RHOH: variants seen among roughly 807,000 people sequenced by gnomAD.
RHOH encodes the protein ras homolog family member H.
RHOH carries 6 observed loss-of-function variants against 13.8 expected under a neutral mutation model. That is an observed-to-expected ratio of 0.44 (90% CI 0.24 to 0.86). The LOEUF is 0.86. Ranked by LOEUF, RHOH falls within the 40% of genes least tolerant of loss-of-function variation. The probability of loss-of-function intolerance (pLI) is 0.24; values close to 1 mark genes in which losing one functional copy is unlikely to be tolerated. For missense variants in RHOH, 147 were observed against 244.5 expected, an observed-to-expected ratio of 0.60 and a Z score of 2.66; for synonymous variants, 117 against 103.0, an observed-to-expected ratio of 1.14 and a Z score of -0.82.
intron 1 of RHOH, among the ~76,000 whole-genome samples, chr4:40,221,573 G>A (rs944320368): frequency 2.0e-5 from 3 of 152,142 alleles, no homozygotes; most frequent in African/African-American, 7.2e-5. Flanking sequence ...TTTGGGGCAC[G>A]ATGAATCATG....
rs773779601 is a variant in RHOH, at chr4:40,243,500, C to T, written c.114C>T (p.Tyr38=). The T allele has an allele frequency of 1.7e-5, 28 of 1,613,770 alleles. No individual in the cohort carries two copies. The highest frequency in any genetic ancestry group is 1.2e-4 in the African/African-American group (9 of 74,812). Residue 38 remains tyrosine, a synonymous_variant, in exon 3 of 3, where the codon TAC becomes TAT. Transcript: ENST00000381799. The surrounding 1 kb of genome is among the most constrained non-coding windows in gnomAD (Gnocchi z 6.2). ...TFPEAYKPTV[Y]ENTGVDVFMD... is the part of the protein sequence containing the mutation. ...CGGAGGCCTACAAGCCCACAGTGTA[C>T]GAGAACACAGGGGTGGACGTCTTCA... is the stretch of plus-strand genomic sequence containing the variant.
chr4:40,237,460 A>G (rs1728724846), intron 1 of RHOH, among the ~76,000 whole-genome samples: 2 of 152,190 alleles, frequency 1.3e-5, no homozygotes, highest in Admixed American at 1.3e-4. Context: ...GTCTCAAAAA[A>G]AAAAAAAAAA....
In RHOH at chr4:40,246,590, G is replaced by A. The variant is rs1172191832; in HGVS notation, c.*2628G>A. 5.2e-5 allele frequency: 8 copies of A among 152,436 alleles called. No homozygotes were observed. The East Asian group carries it at 1.5e-3, about 29-fold the overall frequency. 9.4% of individuals were successfully genotyped at this position (152,436 alleles called of 1,614,324 possible). A position where few individuals can be genotyped will look rare whatever the true frequency, so the allele number is the denominator to read the frequency against. On this transcript the variant is annotated 3_prime_UTR_variant, in exon 3 of 3. Coordinates refer to ENST00000381799, the MANE Select transcript of RHOH (RefSeq NM_004310.5). ...GTCTTCCTGCTAGACTGCTGTTCTT[G>A]AAGGTAGCACTGCCTCCTGGTCTCC...
intron 1 of RHOH, among the ~76,000 whole-genome samples, chr4:40,202,776 T>G (rs1406693470): frequency 6.6e-6 from 1 of 151,924 alleles, no homozygotes; most frequent in Admixed American, 6.6e-5. Context: ...AAAACTACCA[T>G]CAAAGGCCAG....
chr4:40,230,198 C>T (rs756373259), intron 1 of RHOH, among the ~76,000 whole-genome samples: 5 of 152,078 alleles, frequency 3.3e-5, no homozygotes, highest in South Asian at 2.1e-4. Context: ...ACCACCATGA[C>T]GGGCTAATTT....
chr4:40,229,418 C>T (rs938937077), intron 1 of RHOH, among the ~76,000 whole-genome samples: 3 of 152,010 alleles, frequency 2.0e-5, no homozygotes, highest in Non-Finnish European at 4.4e-5. Context: ...GGTGGATCAC[C>T]TGAGGTCGGG....
intron 1 of RHOH, among the ~76,000 whole-genome samples, chr4:40,240,568 G>A (rs1475221211): frequency 6.6e-6 from 1 of 152,076 alleles, no homozygotes; most frequent in Admixed American, 6.6e-5. Context: ...TTTGAGGTCA[G>A]GAGTTCAAGA....
upstream of RHOH, among the ~76,000 whole-genome samples, chr4:40,196,460 C>T (rs527667795): frequency 5.3e-5 from 8 of 152,310 alleles, no homozygotes; most frequent in East Asian, 1.9e-4. Flanking sequence ...AACAACTCAT[C>T]GCCAGGTAAC....
At chr4:40,195,626 T>C (rs2109334405), upstream of RHOH, among the ~76,000 whole-genome samples, 1 of 152,158 alleles carries the variant, frequency 6.6e-6, no homozygotes, top group African/African-American at 2.4e-5. Flanking sequence ...AGCTAATTTT[T>C]GTAGAGATGG....
At chr4:40,219,242 T>G (rs1726246885) in intron 1 of RHOH, among the ~76,000 whole-genome samples, 1 of 151,956 alleles carries the variant, frequency 6.6e-6, no homozygotes, top group African/African-American at 2.4e-5. Context: ...TGAAACTCCA[T>G]CTCTACTAAA....
At chr4:40,224,219 A>G (rs1166878605) in intron 1 of RHOH, among the ~76,000 whole-genome samples, 1 of 152,262 alleles carries the variant, frequency 6.6e-6, no homozygotes, top group Non-Finnish European at 1.5e-5. Context: ...CAATACGAAC[A>G]GGCTGACCTA....
rs187759960 is a variant in RHOH, at chr4:40,233,610, T to C, written c.-330-9104T>C. On this transcript the variant is annotated intron_variant, in intron 1 of 2. Transcript: ENST00000381799. ...TGTAAAGACCAAATTGAAAATATTT[T>C]AGGCTTGGTTGCAACTTTATGTTGC... Among the ~76,000 whole-genome samples the C allele has an allele frequency of 5.3e-5, 8 of 152,326 alleles. No homozygotes were observed. The East Asian group carries it at 1.3e-3, about 26-fold the overall frequency.
chr4:40,194,466 C>A (rs1472014860), upstream of RHOH, among the ~76,000 whole-genome samples: 1 of 152,094 alleles, frequency 6.6e-6, no homozygotes, highest in African/African-American at 2.4e-5. Flanking sequence ...TGACCTCAAG[C>A]GATCTGCCCT....
chr4:40,216,180 G>A lies in RHOH; in HGVS notation c.-331+18880G>A, dbSNP rs537205793. On this transcript the variant is annotated intron_variant, in intron 1 of 2. Coordinates refer to ENST00000381799, the MANE Select transcript of RHOH (RefSeq NM_004310.5). ...GCTCTTTGATACTTTTAAGAAAATGGTTTTTAGGCCATGCACAGGGGCTCA... is the reference window on the plus strand; with the variant it reads ...GCTCTTTGATACTTTTAAGAAAATGATTTTTAGGCCATGCACAGGGGCTCA... 3.4e-5 allele frequency among the ~76,000 whole-genome samples: 5 copies of A among 145,136 alleles called. No homozygotes were observed. The South Asian group carries it at 1.1e-3, about 32-fold the overall frequency.
chr4:40,224,354 G>A (rs142305113), intron 1 of RHOH, among the ~76,000 whole-genome samples: 1 of 152,290 alleles, frequency 6.6e-6, no homozygotes, highest in Non-Finnish European at 1.5e-5. Context: ...ATGTAGCAAT[G>A]GAAATTCTTG....
chr4:40,203,264 G>A (rs553119905), intron 1 of RHOH, among the ~76,000 whole-genome samples: 1 of 152,236 alleles, frequency 6.6e-6, no homozygotes, highest in South Asian at 2.1e-4. Context: ...GAGCCACCGC[G>A]CCCGGCCAGT....
At chr4:40,227,491 A>T (rs974960782) in intron 1 of RHOH, among the ~76,000 whole-genome samples, 2 of 152,124 alleles carry the variant, frequency 1.3e-5, no homozygotes, top group Non-Finnish European at 2.9e-5. Context: ...TGGTTTCCTC[A>T]TGGGAGAAAT....
In RHOH at chr4:40,207,472, A is replaced by G. The variant is rs550039671; in HGVS notation, c.-331+10172A>G. Among the ~76,000 whole-genome samples the G allele has an allele frequency of 2.6e-5, 4 of 152,304 alleles. No homozygotes were observed. The South Asian group carries it at 8.3e-4, about 32-fold the overall frequency. On this transcript the variant is annotated intron_variant, in intron 1 of 2. Coordinates refer to ENST00000381799, the MANE Select transcript of RHOH (RefSeq NM_004310.5). Reference sequence around the variant, plus strand: ...TTACATTCTAGAGCTATGAAAACACATGGATGGTTTTCAGGATGCAGCAGG... The same window carrying G: ...TTACATTCTAGAGCTATGAAAACACGTGGATGGTTTTCAGGATGCAGCAGG...
intron 1 of RHOH, among the ~76,000 whole-genome samples, chr4:40,240,594 T>C (rs1039509622): frequency 6.6e-6 from 1 of 151,882 alleles, no homozygotes; most frequent in African/African-American, 2.4e-5. Flanking sequence ...CTTGGCAACA[T>C]GGTGAAACCC....
Sources: allele counts gnomAD v4.1 joint callset (sites outside exome capture counted in the v4.1 genomes callset), GRCh38; gene constraint gnomAD v4.1.1; non-coding constraint Gnocchi (gnomAD v3.1); transcripts MANE v1.5; gene names NCBI Gene and HGNC (gene_info 2026-07-23, HGNC 2026-07-21).